Variants in SV2C observed in about 807,000 individuals in gnomAD.
The protein encoded by SV2C is synaptic vesicle glycoprotein 2C, also known as solute carrier family 22 member B3.
In SV2C, 49 loss-of-function variants were observed where a neutral mutation model predicts 79.7. That is an observed-to-expected ratio of 0.61 (90% CI 0.49 to 0.78). The LOEUF is 0.78. SV2C is among the 30% of genes least tolerant of loss of function. SV2C has a pLI of 0.00. For missense variants in SV2C, 833 were observed against 912.9 expected, an observed-to-expected ratio of 0.91 and a Z score of 1.13; for synonymous variants, 334 against 333.2, an observed-to-expected ratio of 1.00 and a Z score of -0.03.
chr5:76,047,713 T>C, the SV2C span, among the ~76,000 whole-genome samples: 1 of 152,158 alleles, frequency 6.6e-6, no homozygotes, highest in African/African-American at 2.4e-5. Context: ...AAGAGATCTA[T>C]TGTATAACAT....
intron 2 of SV2C, among the ~76,000 whole-genome samples, chr5:76,166,005 T>C (rs1279888671): frequency 2.6e-5 from 4 of 152,154 alleles, no homozygotes; most frequent in Admixed American, 1.3e-4. Flanking sequence ...AGAAGGAAAG[T>C]TGAGCAGGGG....
the SV2C span, among the ~76,000 whole-genome samples, chr5:75,893,733 C>T: frequency 6.6e-6 from 1 of 152,062 alleles, no homozygotes; most frequent in Non-Finnish European, 1.5e-5. Flanking sequence ...CATGTACCTC[C>T]TGAATCTAAA....
At chr5:76,219,484 A>G (rs1745005477) in intron 4 of SV2C, among the ~76,000 whole-genome samples, 2 of 152,336 alleles carry the variant, frequency 1.3e-5, no homozygotes, top group South Asian at 4.1e-4. Flanking sequence ...GTTTAAGTGC[A>G]TGGCCATTTC....
chr5:75,890,769 A>G, the SV2C span, among the ~76,000 whole-genome samples: 3,524 of 152,170 alleles, frequency 0.023, 59 homozygotes, highest in African/African-American at 0.053. Flanking sequence ...GTACTTGCTC[A>G]CTATGTGGGT....
chr5:76,176,887 G>A (rs1743546875), intron 2 of SV2C, among the ~76,000 whole-genome samples: 1 of 152,154 alleles, frequency 6.6e-6, no homozygotes, highest in African/African-American at 2.4e-5. Flanking sequence ...AGAACGAGGT[G>A]GATGGATCAC....
chr5:76,210,128 C>A (rs78435831), intron 4 of SV2C, among the ~76,000 whole-genome samples: 1,909 of 152,322 alleles, frequency 0.013, 41 homozygotes, highest in African/African-American at 0.042. Flanking sequence ...CTCTGCTGTG[C>A]TTTCACAAGA....
At chr5:76,248,768 A>G (rs958090638) in intron 4 of SV2C, among the ~76,000 whole-genome samples, 2 of 151,922 alleles carry the variant, frequency 1.3e-5, no homozygotes, top group Admixed American at 6.6e-5. Context: ...ACAAGCATGC[A>G]CCACCACGCC....
chr5:76,324,327 G>A (rs1176459699), intron 12 of SV2C, among the ~76,000 whole-genome samples: 2 of 152,094 alleles, frequency 1.3e-5, no homozygotes, highest in Non-Finnish European at 2.9e-5. Context: ...CTGAAATTAT[G>A]GGAATTTACA....
chr5:75,914,261 C>T, the SV2C span, among the ~76,000 whole-genome samples: 1 of 152,230 alleles, frequency 6.6e-6, no homozygotes, highest in South Asian at 2.1e-4. Context: ...TTCATTTAAA[C>T]ATTTACCAAA....
At chr5:76,105,829 T>G (rs1580269667) in intron 1 of SV2C, among the ~76,000 whole-genome samples, 1 of 152,152 alleles carries the variant, frequency 6.6e-6, no homozygotes, top group African/African-American at 2.4e-5. Flanking sequence ...CAATCTTCTT[T>G]GCTGGTTTAC....
At chr5:75,888,914 A>G in the SV2C span, among the ~76,000 whole-genome samples, 2 of 151,900 alleles carry the variant, frequency 1.3e-5, no homozygotes, top group African/African-American at 4.8e-5. Flanking sequence ...TTTCCTCACA[A>G]TTCTAGAGGC....
chr5:75,858,659 TG>T, the SV2C span, among the ~76,000 whole-genome samples: 1 of 152,208 alleles, frequency 6.6e-6, no homozygotes, highest in African/African-American at 2.4e-5. Context: ...ATTTTTGAGA[TG>T]GTTTGAGTAG....
chr5:76,119,291 C>T (rs1279604495), intron 1 of SV2C, among the ~76,000 whole-genome samples: 2 of 152,220 alleles, frequency 1.3e-5, no homozygotes, highest in Non-Finnish European at 2.9e-5. Context: ...CCCCCTCTTT[C>T]CACCCTGCAC....
chr5:76,227,098 G>A (rs561753147), intron 4 of SV2C, among the ~76,000 whole-genome samples: 8 of 152,158 alleles, frequency 5.3e-5, no homozygotes, highest in Middle Eastern at 3.4e-3. Context: ...ATTGGCAGGC[G>A]ATGACACCTT....
the SV2C span, among the ~76,000 whole-genome samples, chr5:75,853,110 A>G: frequency 6.6e-6 from 1 of 152,208 alleles, no homozygotes; most frequent in Non-Finnish European, 1.5e-5. Flanking sequence ...ATGTGAAGAG[A>G]TGTTCCATGT....
At position 76,330,099 on chromosome 5, in the gene SV2C, T is replaced by C. The variant is rs917328835; in HGVS notation, c.*4552T>C. 2 of 151,762 alleles carry C rather than the reference T, an allele frequency of 1.3e-5. No homozygotes were observed. The highest frequency in any genetic ancestry group is 4.8e-5 in the African/African-American group (2 of 41,300). The allele number at this position is 151,762 out of a possible 1,614,324, so 9.4% of individuals were successfully genotyped here. A position where few individuals can be genotyped will look rare whatever the true frequency, so the allele number is the denominator to read the frequency against. On this transcript the variant is annotated 3_prime_UTR_variant, in exon 13 of 13. Coordinates refer to ENST00000502798, the MANE Select transcript of SV2C (RefSeq NM_014979.4). ...AAAAAACCTGTTAGTATATTCTGGA[T>C]GTATTGTGTGTCCCTTCATTGTTTC...
intron 8 of SV2C, among the ~76,000 whole-genome samples, chr5:76,293,318 G>A (rs1027365544): frequency 3.9e-5 from 6 of 152,144 alleles, no homozygotes; most frequent in African/African-American, 1.4e-4. Flanking sequence ...AGGAAGTCCT[G>A]CTGTCAAGGT....
Position 76,130,020 on chromosome 5 carries a change from C to G in SV2C, c.-101-1630C>G, listed in dbSNP as rs147445235. Among the ~76,000 whole-genome samples the G allele has an allele frequency of 5.8e-3, 881 of 151,744 alleles. 12 individuals carry two copies. Among genetic ancestry groups the G allele is most frequent in the African/African-American group, 0.019 (767 of 41,368 alleles). ...TCATTGTCCTCTCTGCCCCTTTTCC[C>G]TGACTTCTTGAGTTTCTGAGCACCC... On this transcript the variant is annotated intron_variant, in intron 1 of 12. Transcript: ENST00000502798.
the SV2C span, among the ~76,000 whole-genome samples, chr5:75,858,915 T>A: frequency 0.013 from 1,916 of 152,276 alleles, 33 homozygotes; most frequent in African/African-American, 0.043. Flanking sequence ...ATCCATTGAA[T>A]TTCTGTGGTA....
Sources: allele counts gnomAD v4.1 joint callset (sites outside exome capture counted in the v4.1 genomes callset), GRCh38; gene constraint gnomAD v4.1.1; transcripts MANE v1.5; gene names NCBI Gene and HGNC (gene_info 2026-07-23, HGNC 2026-07-21).